Variants in LRRC4C observed in about 807,000 individuals in gnomAD.
The protein encoded by LRRC4C is leucine-rich repeat-containing protein 4C.
Under a neutral mutation model 33.6 loss-of-function variants are expected in LRRC4C, and 5 were observed. The observed-to-expected ratio is 0.15, with a 90% CI of 0.08 to 0.31. LRRC4C has a LOEUF of 0.31. Among genes scored for constraint, LRRC4C ranks in the 10% least tolerant of loss-of-function variants. The pLI, the probability that LRRC4C is intolerant of heterozygous loss-of-function variation, is 1.00. For synonymous variants in LRRC4C, 329 were observed against 302.0 expected (o/e 1.09, Z -0.93); for missense variants, 560 against 796.7 (o/e 0.70, Z 3.58).
chr11:40,604,382 TCTTA>T (rs1486554498), intron 3 of LRRC4C, among the ~76,000 whole-genome samples: 1 of 152,128 alleles, frequency 6.6e-6, no homozygotes, highest in Non-Finnish European at 1.5e-5. Context: ...TACAATATCA[TCTTA>T]CTTACATTTC....
chr11:41,099,527 G>GC (rs1379342289), intron 1 of LRRC4C, among the ~76,000 whole-genome samples: 20 of 152,104 alleles, frequency 1.3e-4, no homozygotes, highest in African/African-American at 4.6e-4. Flanking sequence ...GGGATGAAAG[G>GC]TTGGTTCAAC....
intron 2 of LRRC4C, among the ~76,000 whole-genome samples, chr11:40,848,903 T>C (rs974067582): frequency 3.3e-5 from 5 of 152,138 alleles, no homozygotes; most frequent in African/African-American, 1.2e-4. Flanking sequence ...ATCTAATGCC[T>C]TTCTTTGTCT....
intron 2 of LRRC4C, among the ~76,000 whole-genome samples, chr11:40,769,491 T>C (rs1231862167): frequency 6.6e-6 from 1 of 152,054 alleles, no homozygotes; most frequent in African/African-American, 2.4e-5. Flanking sequence ...CCTAAATGTA[T>C]ATGGACCCAC....
intron 3 of LRRC4C, among the ~76,000 whole-genome samples, chr11:40,616,760 T>C (rs1273907817): frequency 6.6e-6 from 1 of 151,722 alleles, no homozygotes; most frequent in Non-Finnish European, 1.5e-5. Context: ...GGTCCTGTTG[T>C]GGGGAGAGGG....
At chr11:40,695,301 T>G (rs1245969730) in intron 2 of LRRC4C, among the ~76,000 whole-genome samples, 1 of 152,170 alleles carries the variant, frequency 6.6e-6, no homozygotes, top group Non-Finnish European at 1.5e-5. Context: ...TTTCACTTTT[T>G]TACCCATCCC....
chr11:40,791,179 G>T (rs541992271), intron 2 of LRRC4C, among the ~76,000 whole-genome samples: 15 of 152,100 alleles, frequency 9.9e-5, no homozygotes, highest in Non-Finnish European at 1.5e-4. Flanking sequence ...CTGGTATATG[G>T]GAATAAAGTT....
intron 2 of LRRC4C, among the ~76,000 whole-genome samples, chr11:40,725,499 G>C (rs927447015): frequency 2.7e-5 from 4 of 150,510 alleles, no homozygotes; most frequent in Admixed American, 2.6e-4. Flanking sequence ...CTGGACAAAA[G>C]AGCGAGACTC....
chr11:40,822,239 G>A (rs1283654668), intron 2 of LRRC4C, among the ~76,000 whole-genome samples: 4 of 151,420 alleles, frequency 2.6e-5, no homozygotes, highest in African/African-American at 9.7e-5. Flanking sequence ...GAATGAGTGA[G>A]AACATGTGAT....
intron 5 of LRRC4C, among the ~76,000 whole-genome samples, chr11:40,157,422 A>G (rs1214340577): frequency 6.6e-6 from 1 of 152,196 alleles, no homozygotes; most frequent in Non-Finnish European, 1.5e-5. Context: ...ACCTAATTAA[A>G]CTAAAGAGCT....
chr11:41,410,732 G>A (rs1039632556), intron 1 of LRRC4C, among the ~76,000 whole-genome samples: 1 of 152,054 alleles, frequency 6.6e-6, no homozygotes, highest in Non-Finnish European at 1.5e-5. Flanking sequence ...GAGCCACCGC[G>A]CCTGGCCGAG....
At chr11:40,397,812 A>G (rs570748278) in intron 3 of LRRC4C, among the ~76,000 whole-genome samples, 1 of 152,244 alleles carries the variant, frequency 6.6e-6, no homozygotes, top group South Asian at 2.1e-4. Context: ...CAGAATTAAA[A>G]TTAAAAATAA....
At chr11:40,931,406 A>G (rs1203698787) in intron 2 of LRRC4C, among the ~76,000 whole-genome samples, 1 of 152,146 alleles carries the variant, frequency 6.6e-6, no homozygotes, top group Non-Finnish European at 1.5e-5. Flanking sequence ...ACACGTGTGC[A>G]TGCATGTGTT....
At chr11:40,844,201 C>T (rs1411054614) in intron 2 of LRRC4C, among the ~76,000 whole-genome samples, 7 of 151,412 alleles carry the variant, frequency 4.6e-5, no homozygotes, top group African/African-American at 1.7e-4. Flanking sequence ...AACTAACCTG[C>T]ACGTTGTGCA....
chr11:40,585,359 C>T (rs966382063), intron 3 of LRRC4C, among the ~76,000 whole-genome samples: 27 of 152,086 alleles, frequency 1.8e-4, no homozygotes, highest in African/African-American at 6.5e-4. Flanking sequence ...GAAGACTAAA[C>T]ATCCAGCAGC....
At chr11:41,393,710 T>G (rs1953694291) in intron 1 of LRRC4C, among the ~76,000 whole-genome samples, 1 of 151,970 alleles carries the variant, frequency 6.6e-6, no homozygotes, top group Non-Finnish European at 1.5e-5. Flanking sequence ...TATTGAGGAC[T>G]TGCCAAAATC....
At chr11:41,006,938 T>TTG (rs1854798009) in intron 1 of LRRC4C, among the ~76,000 whole-genome samples, 1 of 152,126 alleles carries the variant, frequency 6.6e-6, no homozygotes, top group Non-Finnish European at 1.5e-5. Flanking sequence ...ATTTTTCATC[T>TTG]TACAAGGTAG....
rs149196159 is a variant in LRRC4C, at chr11:40,249,615, C to T, written c.-175-8017G>A. 2.4e-3 allele frequency among the ~76,000 whole-genome samples: 365 copies of T among 150,546 alleles called. 2 individuals carry two copies. Among genetic ancestry groups the T allele is most frequent in the African/African-American group, 8.4e-3 (347 of 41,148 alleles). Reference sequence around the variant, plus strand: ...ATGAAATATATTGTATATATGTATGCGTATACACATGCCCACACGAAAAGA... The same window carrying T: ...ATGAAATATATTGTATATATGTATGTGTATACACATGCCCACACGAAAAGA... On this transcript the variant is annotated intron_variant, in intron 4 of 6. Transcript: ENST00000528697.
chr11:40,121,280 T>C (rs1855807136), intron 6 of LRRC4C, among the ~76,000 whole-genome samples: 1 of 152,198 alleles, frequency 6.6e-6, no homozygotes, highest in Admixed American at 6.5e-5. Flanking sequence ...AAGGTCTTTG[T>C]GCTATTGCAA....
chr11:40,809,700 A>G (rs953488626), intron 2 of LRRC4C, among the ~76,000 whole-genome samples: 1 of 152,182 alleles, frequency 6.6e-6, no homozygotes, highest in Admixed American at 6.5e-5. Context: ...GTGCTCACTC[A>G]ACTGTATATT....
Sources: gnomAD v4.1 joint callset for allele counts (sites outside exome capture counted in the v4.1 genomes callset) on GRCh38, gnomAD v4.1.1 for gene constraint, MANE v1.5 for transcripts, NCBI Gene and HGNC (gene_info 2026-07-23, HGNC 2026-07-21) for gene names.